FUT8: variants seen among roughly 807,000 people sequenced by gnomAD.
FUT8 encodes alpha-(1,6)-fucosyltransferase.
Under a neutral mutation model 71.3 loss-of-function variants are expected in FUT8, and 29 were observed. The ratio of observed to expected loss-of-function variants is 0.41; its 90% CI spans 0.30 to 0.55. The LOEUF (loss-of-function observed/expected upper bound fraction) is 0.55, where lower values mean the gene tolerates loss of function less well. Among genes scored for constraint, FUT8 ranks in the 20% least tolerant of loss-of-function variants. The pLI is 0.34. For synonymous variants in FUT8, 254 were observed against 239.3 expected, an observed-to-expected ratio of 1.06 and a Z score of -0.57; for missense variants, 544 against 702.1, an observed-to-expected ratio of 0.77 and a Z score of 2.55.
chr14:65,485,221 G>A (rs990037125), intron 2 of FUT8, among the ~76,000 whole-genome samples: 10 of 151,854 alleles, frequency 6.6e-5, no homozygotes, highest in Admixed American at 6.6e-5. Flanking sequence ...CTAACATCTG[G>A]GTTGGTTTCA....
At chr14:65,405,205 G>A in the FUT8 span, among the ~76,000 whole-genome samples, 4 of 152,206 alleles carry the variant, frequency 2.6e-5, no homozygotes, top group Non-Finnish European at 5.9e-5. Context: ...TTTAAAAAAT[G>A]TAAGCACTGC....
chr14:65,560,386 G>T (rs755583538), intron 2 of FUT8, among the ~76,000 whole-genome samples: 3 of 152,074 alleles, frequency 2.0e-5, no homozygotes, highest in Non-Finnish European at 4.4e-5. Context: ...TCACCATCTT[G>T]CCAGATTGGT....
chr14:65,549,050 A>G (rs1236083011), intron 2 of FUT8, among the ~76,000 whole-genome samples: 1 of 152,224 alleles, frequency 6.6e-6, no homozygotes, highest in Non-Finnish European at 1.5e-5. Flanking sequence ...CACAGCTACC[A>G]GAATTGCCTT....
intron 2 of FUT8, among the ~76,000 whole-genome samples, chr14:65,498,069 A>G (rs914606709): frequency 6.6e-6 from 1 of 152,220 alleles, no homozygotes; most frequent in Non-Finnish European, 1.5e-5. Flanking sequence ...AAGAATAATC[A>G]GGAATGCTCA....
Position 65,585,412 on chromosome 14 carries a change from G to A in FUT8, c.203+23646G>A, listed in dbSNP as rs1458518630. On this transcript the variant is annotated intron_variant, in intron 3 of 10. Transcript: ENST00000673929. ...ATGTTGCTCAGGCTGGTCTCAAAGTGCTAGTCTCAAGCAGTCCTCCCAACG... is the reference window on the plus strand; with the variant it reads ...ATGTTGCTCAGGCTGGTCTCAAAGTACTAGTCTCAAGCAGTCCTCCCAACG... Among the ~76,000 whole-genome samples, 4 of 152,080 alleles carry A rather than the reference G, an allele frequency of 2.6e-5. No individual in the cohort carries two copies. The East Asian group carries it at 7.7e-4, about 29-fold the overall frequency.
chr14:65,564,749 A>G (rs1001960977), intron 3 of FUT8, among the ~76,000 whole-genome samples: 2 of 152,106 alleles, frequency 1.3e-5, no homozygotes, highest in Middle Eastern at 3.4e-3. Flanking sequence ...CTGTTTCAGA[A>G]TGTCATATAA....
rs186774829 is a variant in FUT8 at position 65,502,418 on chromosome 14, T to G, written c.-228+46700T>G. Among the ~76,000 whole-genome samples the G allele has an allele frequency of 5.6e-3, 849 of 152,024 alleles. 32 individuals are homozygous for G. Among genetic ancestry groups the G allele is most frequent in the Admixed American group, 0.051 (774 of 15,272 alleles). On this transcript the variant is annotated intron_variant, in intron 2 of 10. Coordinates refer to ENST00000673929, the MANE Select transcript of FUT8 (RefSeq NM_001371533.1). The stretch of plus-strand genomic sequence containing the variant: ...TTTTGTCTTTTTAGTAGAGACAGGG[T>G]TTCACCATGTTGCCCAGGCTGGTCT...
In FUT8 at chr14:65,575,624, T is replaced by TTC. The variant is rs1450820244; in HGVS notation, c.203+13858_203+13859insTC. On this transcript the variant is annotated intron_variant, in intron 3 of 10. Transcript: ENST00000673929. ...CTTCCTTCCTTCCTTCCTTCCTTCC[T>TTC]CTTTTTTTTTTTCCCCCACACTCTT... 1.5e-3 allele frequency among the ~76,000 whole-genome samples: 201 copies of TTC among 137,234 alleles called. 1 individual carries two copies. The highest frequency in any genetic ancestry group is 0.012 in the Admixed American group (154 of 13,320). The allele number at this position is 137,234 out of a possible 152,430, so 90.0% of individuals were successfully genotyped here. A position where few individuals can be genotyped will look rare whatever the true frequency, so the allele number is the denominator to read the frequency against.
chr14:65,373,449 G>T, the FUT8 span, among the ~76,000 whole-genome samples: 1 of 151,824 alleles, frequency 6.6e-6, no homozygotes, highest in African/African-American at 2.4e-5. Flanking sequence ...GAGGAGTTCG[G>T]CTGGGGCAGT....
At chr14:65,377,406 A>C in the FUT8 span, among the ~76,000 whole-genome samples, 10 of 152,230 alleles carry the variant, frequency 6.6e-5, no homozygotes, top group Non-Finnish European at 1.5e-4. Flanking sequence ...TAAAAATAAA[A>C]AAAATTTAAA....
intron 3 of FUT8, among the ~76,000 whole-genome samples, chr14:65,612,281 T>A (rs1889041264): frequency 6.6e-6 from 1 of 152,224 alleles, no homozygotes; most frequent in Admixed American, 6.5e-5. Context: ...TTTTGTCTTT[T>A]AATAATTGTT....
rs569773140 is a variant in FUT8, at chr14:65,472,390, A to G, written c.-228+16672A>G. Among the ~76,000 whole-genome samples, 3 of 152,194 alleles carry G rather than the reference A, an allele frequency of 2.0e-5. No individual in the cohort carries two copies. Among genetic ancestry groups the G allele is most frequent in the Non-Finnish European group, 2.9e-5 (2 of 68,014 alleles). Reference sequence around the variant, plus strand: ...CCCACCATGCCCAACAACATCTCCCATTAGGCCCCACCCCCAACATTGAGA... The same window carrying G: ...CCCACCATGCCCAACAACATCTCCCGTTAGGCCCCACCCCCAACATTGAGA... On this transcript the variant is annotated intron_variant, in intron 2 of 10. Coordinates refer to ENST00000673929, the MANE Select transcript of FUT8 (RefSeq NM_001371533.1). This position sits in a 1 kb window ranked among gnomAD's most constrained non-coding sequence, Gnocchi z 4.4.
intron 7 of FUT8, among the ~76,000 whole-genome samples, chr14:65,683,898 A>C (rs546461282): frequency 1.8e-4 from 28 of 151,954 alleles, no homozygotes; most frequent in Non-Finnish European, 4.0e-4. Flanking sequence ...ATATATAATC[A>C]TTAAACTAAT....
In FUT8 at chr14:65,609,779, A is replaced by T. The variant is rs1489179078; in HGVS notation, c.204-6199A>T. ...GCCAGATACAATAGGTCTTAATATC[A>T]GATGGTGTTTGCCTTTTAGTTTTAT... On this transcript the variant is annotated intron_variant, in intron 3 of 10. Coordinates refer to ENST00000673929, the MANE Select transcript of FUT8 (RefSeq NM_001371533.1). Among the ~76,000 whole-genome samples the T allele has an allele frequency of 1.3e-5, 2 of 151,934 alleles. 1 individual carries two copies. Among genetic ancestry groups the T allele is most frequent in the African/African-American group, 4.8e-5 (2 of 41,408 alleles).
Position 65,742,292 on chromosome 14 carries a change from A to T in FUT8, c.1610A>T (p.Asp537Val). The T allele has an allele frequency of 6.2e-7, 1 of 1,613,036 alleles. No individual in the cohort carries two copies. Among genetic ancestry groups the T allele is most frequent in the African/African-American group, 1.3e-5 (1 of 74,956 alleles). ...ATTGGTGTGGCTGGAAATCATTGGGATGGCTATTCTAAAGGTGTCAACAGG... is the reference window on the plus strand; with the variant it reads ...ATTGGTGTGGCTGGAAATCATTGGGTTGGCTATTCTAAAGGTGTCAACAGG... ...DIIGVAGNHWDGYSKGVNRKL... is the reference protein window; with the variant it reads ...DIIGVAGNHWVGYSKGVNRKL... Residue 537 changes from aspartate (D) to valine (V), a missense_variant, in exon 11 of 11, where the codon GAT becomes GTT. Physicochemically the swap from Asp to Val is radical, Grantham distance 152. Transcript: ENST00000673929.
At chr14:65,361,473 G>A in the FUT8 span, among the ~76,000 whole-genome samples, 1 of 147,696 alleles carries the variant, frequency 6.8e-6, no homozygotes, top group African/African-American at 2.7e-5. Flanking sequence ...CTGACTCATA[G>A]AAACTCAGTA....
rs143950540 is a variant in FUT8, at chr14:65,638,506, G to A, written c.597+8900G>A. ...AACAACTATTTCACTTTTTAAATGA[G>A]GATAGGGATTTTTTTTCATTCAAAA... is the stretch of plus-strand genomic sequence containing the variant. On this transcript the variant is annotated intron_variant, in intron 6 of 10. Transcript: ENST00000673929. This position sits in a 1 kb window ranked among gnomAD's most constrained non-coding sequence, Gnocchi z 4.5. Among the ~76,000 whole-genome samples the A allele has an allele frequency of 4.6e-5, 7 of 152,126 alleles. No individual in the cohort carries two copies. In the East Asian group the frequency reaches 1.3e-3, roughly 29 times the overall value.
Position 65,561,413 on chromosome 14 carries a change from T to C in FUT8, c.-151T>C. 1 of 693,598 alleles carries C rather than the reference T, an allele frequency of 1.4e-6. No homozygotes were observed. Among genetic ancestry groups the C allele is most frequent in the Non-Finnish European group, 2.5e-6 (1 of 403,156 alleles). 43.0% of individuals were successfully genotyped at this position (693,598 alleles called of 1,614,324 possible). Reference sequence around the variant, plus strand: ...AGGAGGATCTCTTTGAAAGATTCACTGCAGGACTACCAGAGAGAATAATTT... The same window carrying C: ...AGGAGGATCTCTTTGAAAGATTCACCGCAGGACTACCAGAGAGAATAATTT... On this transcript the variant is annotated 5_prime_UTR_variant, in exon 3 of 11. Coordinates refer to ENST00000673929, the MANE Select transcript of FUT8 (RefSeq NM_001371533.1).
At chr14:65,571,481 A>T (rs1424003506) in intron 3 of FUT8, among the ~76,000 whole-genome samples, 1 of 152,154 alleles carries the variant, frequency 6.6e-6, no homozygotes, top group Admixed American at 6.6e-5. Context: ...GAACAGCATC[A>T]ACATACTCTT....
Sources: gnomAD v4.1 joint callset for allele counts (sites outside exome capture counted in the v4.1 genomes callset) on GRCh38, gnomAD v4.1.1 for gene constraint, Gnocchi (gnomAD v3.1) non-coding constraint, MANE v1.5 for transcripts, NCBI Gene and HGNC (gene_info 2026-07-23, HGNC 2026-07-21) for gene names.